Variants in ANKRD16 observed in about 807,000 individuals in gnomAD.
ANKRD16 encodes ankyrin repeat domain-containing protein 16.
A neutral mutation model predicts 37.9 loss-of-function variants in ANKRD16; 35 were observed. The ratio of observed to expected loss-of-function variants is 0.92; its 90% CI spans 0.71 to 1.23. The LOEUF is 1.23. Ranked by LOEUF, ANKRD16 falls within the 50% of genes most tolerant of loss-of-function variation. The pLI, the probability that ANKRD16 is intolerant of heterozygous loss-of-function variation, is 0.00. For missense variants in ANKRD16, 480 were observed against 469.9 expected (o/e 1.02, Z -0.20); for synonymous variants, 206 against 197.2 (o/e 1.04, Z -0.37).
At chr10:5,888,210 G>T in intron 1 of ANKRD16, 143 bp from the exon 2 acceptor site, 1 of 712,468 alleles carries the variant, frequency 1.4e-6, no homozygotes, top group Non-Finnish European at 2.3e-6. Context: ...AAACAGCTTT[G>T]ACCGGCAACC....
At position 5,874,543 on chromosome 10, in the gene ANKRD16, C is replaced by T. The variant is rs1201516268; in HGVS notation, c.*33+3554G>A. 6.6e-6 allele frequency among the ~76,000 whole-genome samples: 1 copy of T among 152,174 alleles called. No individual in the cohort carries two copies. Among genetic ancestry groups the T allele is most frequent in the African/African-American group, 2.4e-5 (1 of 41,446 alleles). ...TAGAGAGCCGCCCAGCAGCTGTCCT[C>T]TGCAGGGACTCCTTAAGAGGGAGGA... On this transcript the variant is annotated intron_variant, in intron 7 of 7. Coordinates refer to ENST00000380094, the MANE Select transcript of ANKRD16 (RefSeq NM_019046.3). The surrounding 1 kb of genome is among the most constrained non-coding windows in gnomAD (Gnocchi z 4.7).
At chr10:5,877,843 G>A (rs12360216) in intron 7 of ANKRD16, among the ~76,000 whole-genome samples, 3,701 of 152,282 alleles carry the variant, frequency 0.024, 166 homozygotes, top group Admixed American at 0.11. Flanking sequence ...CAGCCTGATC[G>A]CGCAAACGTT....
chr10:5,887,625 C>G (rs1170852045), intron 2 of ANKRD16, among the ~76,000 whole-genome samples: 1 of 152,218 alleles, frequency 6.6e-6, no homozygotes, highest in Non-Finnish European at 1.5e-5. Context: ...CTCAGGTGAT[C>G]CACCCGCCTC....
At position 5,864,404 on chromosome 10, in the gene ANKRD16, C is replaced by T. The variant is rs7098957; in HGVS notation, c.*34-1713G>A. ...ATGGGGAGGGGAATTTGGCCCAACC[C>T]GGGTACATGTCCCCTTCTCCTTCTC... On this transcript the variant is annotated intron_variant, in intron 7 of 7. Transcript: ENST00000380094. This position sits in a 1 kb window ranked among gnomAD's most constrained non-coding sequence, Gnocchi z 4.4. Among the ~76,000 whole-genome samples, 25,156 of 152,002 alleles carry T rather than the reference C, an allele frequency of 0.17. 2,261 individuals carry two copies. The highest frequency in any genetic ancestry group is 0.26 in the Middle Eastern group (75 of 294).
chr10:5,866,197 C>A lies in ANKRD16; in HGVS notation c.*34-3506G>T, dbSNP rs535667854. On this transcript the variant is annotated intron_variant, in intron 7 of 7. Transcript: ENST00000380094. The surrounding 1 kb of genome is among the most constrained non-coding windows in gnomAD (Gnocchi z 4.3). ...GAGGGACCAGTGCTTCAAATACATA[C>A]GTGTGCGGCCCTCAACCCTGCCACT... 6.6e-6 allele frequency among the ~76,000 whole-genome samples: 1 copy of A among 152,128 alleles called. No individual in the cohort carries two copies. Among genetic ancestry groups the A allele is most frequent in the African/African-American group, 2.4e-5 (1 of 41,416 alleles).
rs71388490 is a variant in ANKRD16 at position 5,861,897 on chromosome 10, CTTTTTTTTTTT to C, written c.*817_*827del. The C allele has an allele frequency of 0.37, 48,365 of 130,128 alleles. 8,686 individuals carry two copies. Among genetic ancestry groups the C allele is most frequent in the Non-Finnish European group, 0.43 (26,481 of 61,974 alleles). 8.1% of individuals were successfully genotyped at this position (130,128 alleles called of 1,614,324 possible). On this transcript the variant is annotated 3_prime_UTR_variant, in exon 8 of 8. Transcript: ENST00000380094. ...ACAGACTGGGCAGGCCCCAGGAATT[CTTTTTTTTTTT>C]TTTTTTTTTTGGAGACGGAGTCTTG...
At chr10:5,867,265 C>T (rs1298495655) in intron 7 of ANKRD16, among the ~76,000 whole-genome samples, 1 of 152,194 alleles carries the variant, frequency 6.6e-6, no homozygotes, top group African/African-American at 2.4e-5. Flanking sequence ...TACAAAGGTC[C>T]AACCAGACCT....
chr10:5,863,206 T>C lies in ANKRD16; in HGVS notation c.*34-515A>G, dbSNP rs1359361076. On this transcript the variant is annotated intron_variant, in intron 7 of 7. Coordinates refer to ENST00000380094, the MANE Select transcript of ANKRD16 (RefSeq NM_019046.3). This position sits in a 1 kb window ranked among gnomAD's most constrained non-coding sequence, Gnocchi z 4.7. ...CAGGAGAGGGAAGGGGGAGCTGCTC[T>C]CAATTCAGATCAAGTTTCCCCTGTG... Among the ~76,000 whole-genome samples, 1 of 152,048 alleles carries C rather than the reference T, an allele frequency of 6.6e-6. No homozygotes were observed. Among genetic ancestry groups the C allele is most frequent in the Non-Finnish European group, 1.5e-5 (1 of 68,016 alleles).
At chr10:5,881,438 T>TTTTATATATATATATATATATA (rs1554796692) in intron 5 of ANKRD16, among the ~76,000 whole-genome samples, 1 of 51,026 alleles carries the variant, frequency 2.0e-5, no homozygotes, top group Admixed American at 2.5e-4. Flanking sequence ...AAAATATTAT[T>TTTTATATATATATATATATATA]TATATATATA....
In ANKRD16 at chr10:5,870,365, C is replaced by A. The variant is rs563984598; in HGVS notation, c.*34-7674G>T. On this transcript the variant is annotated intron_variant, in intron 7 of 7. Transcript: ENST00000380094. This position sits in a 1 kb window ranked among gnomAD's most constrained non-coding sequence, Gnocchi z 5.0. ...CTCTTGGCCTCTCTTCCCTGCGACT[C>A]TGCCCGGGCACCAGCCAGTCCTCAT... is the stretch of plus-strand genomic sequence containing the variant. Among the ~76,000 whole-genome samples, 783 of 151,602 alleles carry A rather than the reference C, an allele frequency of 5.2e-3. 3 individuals carry two copies. Among genetic ancestry groups the A allele is most frequent in the Non-Finnish European group, 7.4e-3 (502 of 67,930 alleles).
In ANKRD16 at chr10:5,865,045, C is replaced by T. The variant is rs1841993867; in HGVS notation, c.*34-2354G>A. 6.6e-6 allele frequency among the ~76,000 whole-genome samples: 1 copy of T among 152,146 alleles called. No individual in the cohort carries two copies. The highest frequency in any genetic ancestry group is 6.5e-5 in the Admixed American group (1 of 15,270). ...GAGGCATTATTAAACCTGGCAACCT[C>T]TGTGTTCTATGATAAGGACCAAGAG... is the stretch of plus-strand genomic sequence containing the variant. On this transcript the variant is annotated intron_variant, in intron 7 of 7. Coordinates refer to ENST00000380094, the MANE Select transcript of ANKRD16 (RefSeq NM_019046.3). The surrounding 1 kb of genome is among the most constrained non-coding windows in gnomAD (Gnocchi z 4.7).
chr10:5,878,164 A>C lies in ANKRD16; in HGVS notation c.1052T>G (p.Val351Gly). ...LAQQLPRRAD[V>G]LQGSGHSAMT Reference sequence around the variant, plus strand: ...TGCGCTATGGCCAGAGCCCTGAAGGACATCTGCTCTCCTTGGGAGCTGCTG... The same window carrying C: ...TGCGCTATGGCCAGAGCCCTGAAGGCCATCTGCTCTCCTTGGGAGCTGCTG... The change falls in exon 7 of 8, where the codon GTC becomes GGC. Residue 351 changes from valine (V) to glycine (G), a missense_variant. By Grantham distance (109) the Val-to-Gly change is moderately radical. Coordinates refer to ENST00000380094, the MANE Select transcript of ANKRD16 (RefSeq NM_019046.3). The surrounding 1 kb of genome is among the most constrained non-coding windows in gnomAD (Gnocchi z 5.1). 1 of 1,614,198 alleles carries C rather than the reference A, an allele frequency of 6.2e-7. No individual in the cohort carries two copies. The highest frequency in any genetic ancestry group is 8.5e-7 in the Non-Finnish European group (1 of 1,180,020).
At chr10:5,879,445 G>T (rs1306437675) in intron 6 of ANKRD16, among the ~76,000 whole-genome samples, 3 of 151,628 alleles carry the variant, frequency 2.0e-5, no homozygotes, top group African/African-American at 7.3e-5. Context: ...TCCAGACTGG[G>T]TGACAGAGCG....
rs537499340 is a variant in ANKRD16 at position 5,869,438 on chromosome 10, C to A, written c.*34-6747G>T. Reference sequence around the variant, plus strand: ...CCACCTGTGTCCAGCAAGGTGGGGGCCTGAGAAGCACTGCCCAGGCCTTTG... The same window carrying A: ...CCACCTGTGTCCAGCAAGGTGGGGGACTGAGAAGCACTGCCCAGGCCTTTG... On this transcript the variant is annotated intron_variant, in intron 7 of 7. Transcript: ENST00000380094. The surrounding 1 kb of genome is among the most constrained non-coding windows in gnomAD (Gnocchi z 4.0). 3.6e-4 allele frequency among the ~76,000 whole-genome samples: 55 copies of A among 152,274 alleles called. No homozygotes were observed. The highest frequency in any genetic ancestry group is 1.1e-3 in the African/African-American group (46 of 41,536).
intron 7 of ANKRD16, among the ~76,000 whole-genome samples, chr10:5,876,477 G>A (rs1842187392): frequency 6.6e-6 from 1 of 152,172 alleles, no homozygotes; most frequent in Non-Finnish European, 1.5e-5. Flanking sequence ...ACGTGAAATA[G>A]CCGCACAACA....
chr10:5,875,713 CTT>C (rs71388492), intron 7 of ANKRD16, among the ~76,000 whole-genome samples: 1,118 of 106,376 alleles, frequency 0.011, 3 homozygotes, highest in South Asian at 0.029. Flanking sequence ...AATTAATGTT[CTT>C]TTTTTTTTTT....
chr10:5,888,695 T>C (rs1223743191), intron 1 of ANKRD16, among the ~76,000 whole-genome samples: 1 of 152,250 alleles, frequency 6.6e-6, no homozygotes, highest in Non-Finnish European at 1.5e-5. Flanking sequence ...CAGAAGTAAC[T>C]TAGCTAAATG....
chr10:5,878,887 G>A lies in ANKRD16; in HGVS notation c.929-600C>T, dbSNP rs1451808653. Among the ~76,000 whole-genome samples, 1 of 152,122 alleles carries A rather than the reference G, an allele frequency of 6.6e-6. No homozygotes were observed. Among genetic ancestry groups the A allele is most frequent in the Non-Finnish European group, 1.5e-5 (1 of 68,016 alleles). On this transcript the variant is annotated intron_variant, in intron 6 of 7. Coordinates refer to ENST00000380094, the MANE Select transcript of ANKRD16 (RefSeq NM_019046.3). The surrounding 1 kb of genome is among the most constrained non-coding windows in gnomAD (Gnocchi z 5.1). ...TCCTCTTCATACGCCTGAATGCTCT[G>A]GAAACACACTTTAAATGGTACAAAA...
chr10:5,882,980 G>A, intron 5 of ANKRD16, 26 bp downstream of exon 5: 1 of 1,607,942 alleles, frequency 6.2e-7, no homozygotes, highest in Non-Finnish European at 8.5e-7. Context: ...AGGGAAGCTC[G>A]GACAACGTTA....
Sources: allele counts gnomAD v4.1 joint callset (sites outside exome capture counted in the v4.1 genomes callset), GRCh38; gene constraint gnomAD v4.1.1; non-coding constraint Gnocchi (gnomAD v3.1); transcripts MANE v1.5; gene names NCBI Gene and HGNC (gene_info 2026-07-23, HGNC 2026-07-21).